SKIC3: variants seen among roughly 807,000 people sequenced by gnomAD.
SKIC3 encodes superkiller complex protein 3.
the SKIC3 span, among the ~76,000 whole-genome samples, chr5:95,511,600 T>C: frequency 1.3e-5 from 2 of 152,206 alleles, no homozygotes; most frequent in Non-Finnish European, 2.9e-5. Flanking sequence ...TTTTCTCTCC[T>C]GTTTTTCACA....
the SKIC3 span, chr5:95,497,529 T>G: frequency 6.6e-7 from 1 of 1,507,334 alleles, no homozygotes; most frequent in Non-Finnish European, 9.2e-7. Flanking sequence ...ACAAGTTACT[T>G]TAACCACAAA....
chr5:95,536,390 C>G, the SKIC3 span: 1 of 225,192 alleles, frequency 4.4e-6, no homozygotes, highest in African/African-American at 2.4e-5. Context: ...TGTAATATAG[C>G]CTGACCTATT....
the SKIC3 span, among the ~76,000 whole-genome samples, chr5:95,542,558 T>C: frequency 2.0e-5 from 3 of 152,340 alleles, no homozygotes; most frequent in Admixed American, 6.5e-5. Context: ...TCAGATATCC[T>C]AAACCACTCA....
the SKIC3 span, chr5:95,491,089 T>C: frequency 6.2e-7 from 1 of 1,607,252 alleles, no homozygotes; most frequent in Admixed American, 1.7e-5. Context: ...ACATGTTGCT[T>C]AAAAACTATC....
the SKIC3 span, chr5:95,530,094 G>A: frequency 5.5e-5 from 89 of 1,612,848 alleles, no homozygotes; most frequent in Non-Finnish European, 7.2e-5. Context: ...TTTACCTTCT[G>A]TTAGGTTCCT....
chr5:95,540,625 A>T, the SKIC3 span: 2 of 1,588,286 alleles, frequency 1.3e-6, no homozygotes, highest in African/African-American at 2.7e-5. Context: ...TTATGTTTCC[A>T]TTTTCTAAAT....
the SKIC3 span, chr5:95,512,442 T>C: frequency 5.0e-6 from 8 of 1,596,944 alleles, no homozygotes; most frequent in Admixed American, 3.4e-5. Flanking sequence ...CAATAGTTGC[T>C]CAAATATCTT....
chr5:95,471,712 G>A, the SKIC3 span, among the ~76,000 whole-genome samples: 1 of 152,084 alleles, frequency 6.6e-6, no homozygotes, highest in Non-Finnish European at 1.5e-5. Context: ...GTAGCTTCAG[G>A]ACCCTACTGA....
the SKIC3 span, among the ~76,000 whole-genome samples, chr5:95,535,198 CT>C: frequency 4.6e-5 from 7 of 151,754 alleles, no homozygotes; most frequent in East Asian, 1.3e-3. Flanking sequence ...TTTATGTTCT[CT>C]TTCTTCTTAT....
the SKIC3 span, among the ~76,000 whole-genome samples, chr5:95,485,400 C>G: frequency 6.6e-6 from 1 of 152,192 alleles, no homozygotes; most frequent in South Asian, 2.1e-4. Flanking sequence ...AGTATAAACT[C>G]TTTGGCATCT....
the SKIC3 span, among the ~76,000 whole-genome samples, chr5:95,489,878 T>G: frequency 6.6e-6 from 1 of 152,142 alleles, no homozygotes; most frequent in Non-Finnish European, 1.5e-5. Context: ...CTTAATAAAT[T>G]CATTTTATTA....
chr5:95,471,917 TG>T, the SKIC3 span, among the ~76,000 whole-genome samples: 1 of 152,178 alleles, frequency 6.6e-6, no homozygotes, highest in Non-Finnish European at 1.5e-5. Context: ...GGCCCTTTGT[TG>T]AAAAATTACG....
At chr5:95,475,094 C>G in the SKIC3 span, among the ~76,000 whole-genome samples, 1 of 152,196 alleles carries the variant, frequency 6.6e-6, no homozygotes, top group Non-Finnish European at 1.5e-5. Context: ...AATTCTATGT[C>G]TGCCATTTCA....
At chr5:95,520,935 C>G in the SKIC3 span, 3 of 743,694 alleles carry the variant, frequency 4.0e-6, no homozygotes, top group Non-Finnish European at 2.3e-6. Flanking sequence ...TAAAACTTAA[C>G]GGTGTGTTAT....
chr5:95,507,061 T>A, the SKIC3 span: 26 of 1,526,174 alleles, frequency 1.7e-5, no homozygotes, highest in South Asian at 2.6e-4. Context: ...TAGCATTCTG[T>A]TACCTTCCTC....
At chr5:95,518,061 C>T in the SKIC3 span, among the ~76,000 whole-genome samples, 2 of 152,090 alleles carry the variant, frequency 1.3e-5, no homozygotes, top group African/African-American at 4.8e-5. Flanking sequence ...AAATAAACTT[C>T]TGTTCTTTGT....
chr5:95,527,125 G>A, the SKIC3 span, among the ~76,000 whole-genome samples: 46 of 152,124 alleles, frequency 3.0e-4, no homozygotes, highest in African/African-American at 1.1e-3. Context: ...CTTTATGCTA[G>A]CTCTTGAGCC....
At chr5:95,500,653 T>C in the SKIC3 span, among the ~76,000 whole-genome samples, 1 of 152,200 alleles carries the variant, frequency 6.6e-6, no homozygotes, top group South Asian at 2.1e-4. Flanking sequence ...ATGATTTACA[T>C]AAGTACATCT....
chr5:95,487,593 T>C, the SKIC3 span, among the ~76,000 whole-genome samples: 4 of 152,204 alleles, frequency 2.6e-5, no homozygotes, highest in African/African-American at 9.6e-5. Context: ...ATATCACTGA[T>C]GCTGTCTACA....
Sources: gnomAD v4.1 joint callset for allele counts (sites outside exome capture counted in the v4.1 genomes callset) on GRCh38, gnomAD v4.1.1 for gene constraint, MANE v1.5 for transcripts, NCBI Gene and HGNC (gene_info 2026-07-23, HGNC 2026-07-21) for gene names.